PAK3: variants seen among roughly 807,000 people sequenced by gnomAD.
The protein encoded by PAK3 is serine/threonine-protein kinase PAK 3.
In PAK3, 4 loss-of-function variants were observed where a neutral mutation model predicts 41.0. That is an observed-to-expected ratio of 0.10 (90% confidence interval 0.05 to 0.22). The LOEUF (loss-of-function observed/expected upper bound fraction) is 0.22, where lower values mean the gene tolerates loss of function less well. PAK3 is among the 10% of genes least tolerant of loss of function. The pLI is 1.00. For synonymous variants in PAK3, 146 were observed against 139.6 expected (o/e 1.05, Z -0.32); for missense variants, 205 against 409.9 (o/e 0.50, Z 4.32).
Position 111,121,718 on chromosome X carries a change from A to G in PAK3, c.-27-1359A>G, listed in dbSNP as rs539334019. On this transcript the variant is annotated intron_variant, in intron 4 of 17. Coordinates refer to ENST00000372007, the MANE Select transcript of PAK3 (RefSeq NM_002578.5). ...GTACCAGGTAATACTTGATAAGTTT[A>G]CAGAGATATAGTTTTAAAGGGATTT... Among the ~76,000 whole-genome samples the G allele has an allele frequency of 1.4e-4, 16 of 112,056 alleles. 1 individual carries two copies. In the South Asian group the frequency reaches 6.0e-3, roughly 42 times the overall value.
intron 11 of PAK3, among the ~76,000 whole-genome samples, chrX:111,185,456 A>G (rs1268307609): frequency 9.0e-6 from 1 of 111,489 alleles, no homozygotes; most frequent in East Asian, 2.8e-4. Context: ...TGTTTTAATC[A>G]TGAAGTCTTT....
At chrX:111,179,022 T>G (rs1298115143) in intron 11 of PAK3, among the ~76,000 whole-genome samples, 1 of 106,113 alleles carries the variant, frequency 9.4e-6, no homozygotes, top group Non-Finnish European at 1.9e-5. Flanking sequence ...TATATATATA[T>G]ATATATATAT....
intron 6 of PAK3, among the ~76,000 whole-genome samples, chrX:111,145,463 G>A (rs893534961): frequency 8.9e-6 from 1 of 111,854 alleles, no homozygotes; most frequent in African/African-American, 3.2e-5. Context: ...CTGCTCTAGT[G>A]GTTATGTGCA....
chrX:110,999,918 A>T (rs2148685606), intron 1 of PAK3, among the ~76,000 whole-genome samples: 1 of 111,590 alleles, frequency 9.0e-6, no homozygotes, highest in African/African-American at 3.3e-5. Context: ...CAGTGAGCTA[A>T]GATCGCGCCA....
upstream of PAK3, among the ~76,000 whole-genome samples, chrX:111,095,636 ATG>A (rs2092969638): frequency 3.6e-5 from 4 of 112,130 alleles, no homozygotes; most frequent in Non-Finnish European, 7.5e-5. Context: ...TGTGCTTCAT[ATG>A]CAGAAAAGTA....
chrX:110,984,699 T>C, intron 1 of PAK3, among the ~76,000 whole-genome samples: 1 of 112,011 alleles, frequency 8.9e-6, no homozygotes, highest in East Asian at 2.8e-4. Context: ...TTTGTTGTCA[T>C]TTTTAAAATG....
At chrX:111,033,330 A>G (rs2092360113) in intron 1 of PAK3, among the ~76,000 whole-genome samples, 1 of 110,987 alleles carries the variant, frequency 9.0e-6, no homozygotes, top group Non-Finnish European at 1.9e-5. Flanking sequence ...CTCCTCCTCC[A>G]TCTCTACAGA....
At chrX:111,070,676 G>T (rs2092736688) in intron 1 of PAK3, among the ~76,000 whole-genome samples, 1 of 112,027 alleles carries the variant, frequency 8.9e-6, no homozygotes, top group Non-Finnish European at 1.9e-5. Flanking sequence ...ACCTGATGTA[G>T]TTCCCTTCTT....
chrX:110,980,807 A>G (rs1209422075), intron 1 of PAK3, among the ~76,000 whole-genome samples: 2 of 112,390 alleles, frequency 1.8e-5, no homozygotes, highest in Non-Finnish European at 3.8e-5. Context: ...AGATTCTTCT[A>G]GGCCTCTCTG....
intron 1 of PAK3, among the ~76,000 whole-genome samples, chrX:111,026,899 C>T (rs1410988055): frequency 8.9e-6 from 1 of 112,110 alleles, no homozygotes; most frequent in African/African-American, 3.2e-5. Context: ...CATTACCTGA[C>T]TTCAAACTAT....
intron 4 of PAK3, among the ~76,000 whole-genome samples, chrX:111,107,320 A>G (rs891248970): frequency 8.9e-6 from 1 of 112,180 alleles, no homozygotes; most frequent in African/African-American, 3.2e-5. Context: ...GATAAGGTAA[A>G]TTTGTACTGT....
intron 8 of PAK3, 25 bp from the exon 9 acceptor site, chrX:111,162,890 C>A (rs2149195764): frequency 8.4e-7 from 1 of 1,191,594 alleles, no homozygotes; most frequent in Non-Finnish European, 1.1e-6. Flanking sequence ...AATACCTGAT[C>A]TTTAAACTTT....
chrX:111,077,251 T>G, intron 1 of PAK3, among the ~76,000 whole-genome samples: 1 of 111,390 alleles, frequency 9.0e-6, no homozygotes, highest in Admixed American at 9.5e-5. Flanking sequence ...ATCCACAGAT[T>G]CAATAAAATC....
chrX:111,125,138 G>A (rs1269646046), intron 5 of PAK3, among the ~76,000 whole-genome samples: 1 of 111,691 alleles, frequency 9.0e-6, no homozygotes, highest in Non-Finnish European at 1.9e-5. Flanking sequence ...CGTTATTAAT[G>A]GCATATCCTT....
In PAK3 at chrX:111,198,472, G is replaced by A. The variant is rs752720411; in HGVS notation, c.1407+1832G>A. On this transcript the variant is annotated intron_variant, in intron 16 of 17. Transcript: ENST00000372007. ...TTATAGCTTTAGGTTTTACATTTAA[G>A]TATGTAATCCATCTTGAGTTGATTT... is the stretch of plus-strand genomic sequence containing the variant. 5.3e-5 allele frequency among the ~76,000 whole-genome samples: 6 copies of A among 112,423 alleles called. No individual in the cohort carries two copies. In the South Asian group the frequency reaches 2.2e-3, roughly 42 times the overall value.
chrX:111,082,251 T>C (rs1020209367), intron 1 of PAK3, among the ~76,000 whole-genome samples: 1 of 111,368 alleles, frequency 9.0e-6, no homozygotes, highest in Non-Finnish European at 1.9e-5. Context: ...GGACTGTTCC[T>C]GACAACTATT....
intron 1 of PAK3, among the ~76,000 whole-genome samples, chrX:110,973,744 C>G (rs1456126534): frequency 3.6e-5 from 4 of 111,786 alleles, no homozygotes. Context: ...TGGGCTAAAT[C>G]CTCCAATTAA....
chrX:111,068,983 A>T (rs867599683), intron 1 of PAK3, among the ~76,000 whole-genome samples: 2 of 111,863 alleles, frequency 1.8e-5, no homozygotes, highest in Middle Eastern at 4.6e-3. Context: ...TTCTCAATCG[A>T]TACAAATGGT....
chrX:111,102,003 T>A (rs2093150797), intron 3 of PAK3, among the ~76,000 whole-genome samples: 1 of 112,156 alleles, frequency 8.9e-6, no homozygotes, highest in Non-Finnish European at 1.9e-5. Context: ...CATCTAGCCA[T>A]CTCTTTGGAT....
Sources: gnomAD v4.1 joint callset for allele counts (sites outside exome capture counted in the v4.1 genomes callset) on GRCh38, gnomAD v4.1.1 for gene constraint, MANE v1.5 for transcripts, NCBI Gene and HGNC (gene_info 2026-07-23, HGNC 2026-07-21) for gene names.